FAAH: variants seen among roughly 807,000 people sequenced by gnomAD.
FAAH encodes the protein fatty-acid amide hydrolase 1.
In FAAH, 63 loss-of-function variants were observed where a neutral mutation model predicts 69.7. The observed-to-expected ratio is 0.90, with a 90% CI of 0.74 to 1.12. FAAH has a LOEUF of 1.12. Ranked by LOEUF, FAAH falls within the 50% of genes most tolerant of loss-of-function variation. The pLI is 0.00. For missense variants in FAAH, 680 were observed against 755.0 expected (o/e 0.90, Z 1.16); for synonymous variants, 305 against 324.2 (o/e 0.94, Z 0.64).
Position 46,410,558 on chromosome 1 carries a change from G to T in FAAH, c.1275+61G>T. The T allele has an allele frequency of 2.7e-6, 4 of 1,479,252 alleles. No individual in the cohort carries two copies. In the South Asian group the frequency reaches 3.4e-5, roughly 13 times the overall value. The allele number at this position is 1,479,252 out of a possible 1,614,324, so 91.6% of individuals were successfully genotyped here. ...GGGGGGGAACCTAGGGCCTCCTATCGCATGATCCCCCATGGCCTCCCTCAG... is the reference window on the plus strand; with the variant it reads ...GGGGGGGAACCTAGGGCCTCCTATCTCATGATCCCCCATGGCCTCCCTCAG... On this transcript the variant is annotated intron_variant, in intron 10 of 14. Transcript: ENST00000243167. This position sits in a 1 kb window ranked among gnomAD's most constrained non-coding sequence, Gnocchi z 4.9.
At chr1:46,412,028 C>T in intron 12 of FAAH, 115 bp from the exon 13 acceptor site, 1 of 901,914 alleles carries the variant, frequency 1.1e-6, no homozygotes, top group Non-Finnish European at 1.8e-6. Flanking sequence ...TGGCTCTGTT[C>T]AGATCCAGGG....
rs528296845 is a variant in FAAH, at chr1:46,411,944, T to C, written c.1357-199T>C. On this transcript the variant is annotated intron_variant, in intron 12 of 14. Transcript: ENST00000243167. This position sits in a 1 kb window ranked among gnomAD's most constrained non-coding sequence, Gnocchi z 4.8. Reference sequence around the variant, plus strand: ...TCAGCGGGAAGAGGTGTATCCACAATTCATTCTGGAGGCAGAACGACTGAT... The same window carrying C: ...TCAGCGGGAAGAGGTGTATCCACAACTCATTCTGGAGGCAGAACGACTGAT... Among the ~76,000 whole-genome samples, 2 of 152,220 alleles carry C rather than the reference T, an allele frequency of 1.3e-5. No homozygotes were observed. Among genetic ancestry groups the C allele is most frequent in the Non-Finnish European group, 2.9e-5 (2 of 68,042 alleles).
chr1:46,401,795 C>T (rs910885338), intron 1 of FAAH, among the ~76,000 whole-genome samples: 21 of 152,176 alleles, frequency 1.4e-4, no homozygotes, highest in African/African-American at 4.8e-4. Context: ...CCTGTAGTTC[C>T]AGCTACTCGG....
rs139618887 is a variant in FAAH at position 46,406,072 on chromosome 1, G to C, written c.820G>C (p.Glu274Gln). 1.7e-5 allele frequency: 28 copies of C among 1,614,098 alleles called. No individual in the cohort carries two copies. The highest frequency in any genetic ancestry group is 2.3e-5 in the Non-Finnish European group (27 of 1,180,054). The change falls in exon 6 of 15, where the codon GAG becomes CAG. Residue 274 changes from glutamate (E) to glutamine (Q), a missense_variant. Coordinates refer to ENST00000243167, the MANE Select transcript of FAAH (RefSeq NM_001441.3). The part of the protein sequence containing the change: ...SGLKGCVYGQ[E>Q]AVRLSVGPMA... The stretch of plus-strand genomic sequence containing the variant: ...CCTGAAGGGCTGTGTCTATGGACAG[G>C]AGGCAGGTGAGGTCCGTGGTGCTCT...
Position 46,394,448 on chromosome 1 carries a change from C to T in FAAH, c.100C>T (p.Arg34Cys). Reference sequence around the variant, plus strand: ...GGCCGTGGCCCTGCGCTGGTCCGGGCGCCGGACGGCGCGGGGCGCGGTGGT... The same window carrying T: ...GGCCGTGGCCCTGCGCTGGTCCGGGTGCCGGACGGCGCGGGGCGCGGTGGT... Reference protein sequence around the residue: ...AAAVALRWSGRRTARGAVVRA... With the variant: ...AAAVALRWSGCRTARGAVVRA... The change falls in exon 1 of 15, where the codon CGC becomes TGC. Residue 34 changes from arginine (R) to cysteine (C), a missense_variant. Transcript: ENST00000243167. The T allele has an allele frequency of 7.3e-7, 1 of 1,377,348 alleles. No homozygotes were observed. The highest frequency in any genetic ancestry group is 9.3e-7 in the Non-Finnish European group (1 of 1,073,698). The allele number at this position is 1,377,348 out of a possible 1,614,324, so 85.3% of individuals were successfully genotyped here. A position where few individuals can be genotyped will look rare whatever the true frequency, so the allele number is the denominator to read the frequency against.
At chr1:46,408,941 A>G (rs751431329) in intron 8 of FAAH, among the ~76,000 whole-genome samples, 160 bp from the exon 9 acceptor site, 2 of 152,150 alleles carry the variant, frequency 1.3e-5, no homozygotes, top group Non-Finnish European at 2.9e-5. Flanking sequence ...TGCATTCCAC[A>G]GTGAGTTTTC....
intron 14 of FAAH, 79 bp from the exon 15 acceptor site, chr1:46,413,368 T>C: frequency 1.2e-6 from 2 of 1,611,724 alleles, no homozygotes; most frequent in Non-Finnish European, 1.7e-6. Flanking sequence ...GTGGCCTCTC[T>C]CTAGCTGGGT....
chr1:46,396,627 A>G (rs1423885478), intron 1 of FAAH, among the ~76,000 whole-genome samples: 2 of 152,332 alleles, frequency 1.3e-5, no homozygotes, highest in East Asian at 3.9e-4. Context: ...TACTGCCTGC[A>G]AACACATTTT....
chr1:46,403,362 G>T (rs1461118946), intron 2 of FAAH, among the ~76,000 whole-genome samples: 1 of 152,202 alleles, frequency 6.6e-6, no homozygotes, highest in East Asian at 1.9e-4. Context: ...CTCTGAAAGT[G>T]CTGGGATTAC....
intron 6 of FAAH, 36 bp downstream of exon 6, chr1:46,406,114 G>A: frequency 6.2e-7 from 1 of 1,614,142 alleles, no homozygotes; most frequent in Non-Finnish European, 8.5e-7. Context: ...CCCGAGGAGG[G>A]TGGGGGTCGG....
At chr1:46,400,250 A>C (rs889588080) in intron 1 of FAAH, among the ~76,000 whole-genome samples, 12 of 152,138 alleles carry the variant, frequency 7.9e-5, no homozygotes, top group Non-Finnish European at 1.8e-4. Context: ...AGAGGACCAC[A>C]GCTTGGAAGC....
chr1:46,401,589 G>C (rs1383547223), intron 1 of FAAH, among the ~76,000 whole-genome samples: 1 of 152,174 alleles, frequency 6.6e-6, no homozygotes, highest in Non-Finnish European at 1.5e-5. Context: ...CATGGGGTCA[G>C]GTGCAGGCAG....
rs746756187 is a variant in FAAH at position 46,413,256 on chromosome 1, C to G, written c.1611+36C>G. The G allele has an allele frequency of 2.5e-6, 4 of 1,613,672 alleles. No homozygotes were observed. The African/African-American group carries it at 5.3e-5, about 22-fold the overall frequency. On this transcript the variant is annotated intron_variant, in intron 14 of 14. Coordinates refer to ENST00000243167, the MANE Select transcript of FAAH (RefSeq NM_001441.3). ...ACCTGCCCCTCAACTGGACTCACTC[C>G]CCACCCTGACTCTGGCCGCTGTGGA...
chr1:46,401,663 A>T (rs1234910461), intron 1 of FAAH, among the ~76,000 whole-genome samples: 3 of 152,234 alleles, frequency 2.0e-5, no homozygotes, highest in Non-Finnish European at 4.4e-5. Flanking sequence ...TGGGAATGGC[A>T]GTAAGACTTA....
At chr1:46,398,259 C>G (rs935116305) in intron 1 of FAAH, among the ~76,000 whole-genome samples, 1 of 152,152 alleles carries the variant, frequency 6.6e-6, no homozygotes, top group Non-Finnish European at 1.5e-5. Context: ...TTAGCTGAAC[C>G]CAGCCCAGGC....
At chr1:46,398,568 C>T (rs1300801357) in intron 1 of FAAH, among the ~76,000 whole-genome samples, 1 of 150,296 alleles carries the variant, frequency 6.7e-6, no homozygotes, top group Non-Finnish European at 1.5e-5. Flanking sequence ...GAGTCTTGCT[C>T]TGTTGCCCAG....
intron 7 of FAAH, among the ~76,000 whole-genome samples, chr1:46,408,073 C>T (rs1664833052): frequency 6.6e-6 from 1 of 152,164 alleles, no homozygotes; most frequent in East Asian, 1.9e-4. Context: ...GATGAGGTCC[C>T]TGTCTGGAAG....
rs543098575 is a variant in FAAH at position 46,412,144 on chromosome 1, T to C, written c.1358T>C (p.Val453Ala). 10 of 1,557,144 alleles carry C rather than the reference T, an allele frequency of 6.4e-6. No homozygotes were observed. In the African/African-American group the frequency reaches 1.2e-4, roughly 19 times the overall value. The change falls in exon 13 of 15, where the codon GTG (valine) becomes GCG (alanine). Residue 453 changes from valine (V) to alanine (A), a missense_variant and splice_region_variant. Val to Ala is a moderately conservative substitution (Grantham distance 64, BLOSUM62 0). Coordinates refer to ENST00000243167, the MANE Select transcript of FAAH (RefSeq NM_001441.3). ...KLWELQHEIE[V>A]YRKTVIAQWR... Reference sequence around the variant, plus strand: ...CCTGGTGTGTTGTGTCCTCCGCAGGTGTACCGCAAAACCGTGATTGCCCAG... The same window carrying C: ...CCTGGTGTGTTGTGTCCTCCGCAGGCGTACCGCAAAACCGTGATTGCCCAG...
intron 14 of FAAH, 68 bp from the exon 15 acceptor site, chr1:46,413,379 G>A: frequency 6.2e-7 from 1 of 1,612,566 alleles, no homozygotes; most frequent in Non-Finnish European, 8.5e-7. Context: ...CTAGCTGGGT[G>A]CTTCCTGGGC....
Sources: allele counts gnomAD v4.1 joint callset (sites outside exome capture counted in the v4.1 genomes callset), GRCh38; gene constraint gnomAD v4.1.1; non-coding constraint Gnocchi (gnomAD v3.1); transcripts MANE v1.5; gene names NCBI Gene and HGNC (gene_info 2026-07-23, HGNC 2026-07-21).